Variants in ALDH1A2 observed in about 807,000 individuals in gnomAD.
ALDH1A2 encodes the protein retinal dehydrogenase 2.
A neutral mutation model predicts 60.3 loss-of-function variants in ALDH1A2; 27 were observed. The ratio of observed to expected loss-of-function variants is 0.45; its 90% confidence interval spans 0.33 to 0.62. ALDH1A2 has a LOEUF of 0.62. Ranked by LOEUF, ALDH1A2 falls within the 20% of genes least tolerant of loss-of-function variation. ALDH1A2 has a pLI of 0.02. For synonymous variants in ALDH1A2, 289 were observed against 232.4 expected, an observed-to-expected ratio of 1.24 and a Z score of -2.21; for missense variants, 581 against 643.8, an observed-to-expected ratio of 0.90 and a Z score of 1.06.
At chr15:57,995,230 A>AAG (rs1555401703) in intron 4 of ALDH1A2, 91 bp from the exon 5 acceptor site, 2 of 755,748 alleles carry the variant, frequency 2.6e-6, no homozygotes, top group Non-Finnish European at 4.4e-6. Flanking sequence ...AAAAAAAAAA[A>AAG]AAAAAACAAA....
At chr15:58,059,355 C>G (rs575808361) in intron 1 of ALDH1A2, among the ~76,000 whole-genome samples, 1 of 152,302 alleles carries the variant, frequency 6.6e-6, no homozygotes, top group East Asian at 1.9e-4. Context: ...AAAATAGCCA[C>G]GGCCTGGTGC....
intron 1 of ALDH1A2, among the ~76,000 whole-genome samples, chr15:58,054,982 T>C (rs1035047317): frequency 6.6e-6 from 1 of 152,126 alleles, no homozygotes; most frequent in Admixed American, 6.6e-5. Flanking sequence ...CGGACAATAC[T>C]GAGTGGAATT....
At chr15:58,032,754 A>G (rs1235347199) in intron 1 of ALDH1A2, among the ~76,000 whole-genome samples, 1 of 151,868 alleles carries the variant, frequency 6.6e-6, no homozygotes, top group Non-Finnish European at 1.5e-5. Context: ...ACTATTCACA[A>G]TAGCAAAGAT....
chr15:58,060,463 C>CTTTTTTTTTTTT (rs35187901), intron 1 of ALDH1A2, among the ~76,000 whole-genome samples: 6 of 87,508 alleles, frequency 6.9e-5, no homozygotes, highest in African/African-American at 1.7e-4. Context: ...CCACACATAT[C>CTTTTTTTTTTTT]TTTTTTTTTT....
chr15:58,008,233 A>G (rs1325735921), intron 4 of ALDH1A2, among the ~76,000 whole-genome samples: 1 of 152,096 alleles, frequency 6.6e-6, no homozygotes, highest in Non-Finnish European at 1.5e-5. Context: ...ATGCACTTTC[A>G]GAAAAACTTT....
At chr15:58,016,497 T>G (rs1303035048) in intron 1 of ALDH1A2, among the ~76,000 whole-genome samples, 1 of 152,192 alleles carries the variant, frequency 6.6e-6, no homozygotes, top group Non-Finnish European at 1.5e-5. Context: ...AAGACTGATA[T>G]TTCATGACTT....
intron 1 of ALDH1A2, among the ~76,000 whole-genome samples, chr15:58,050,878 A>T (rs1247662335): frequency 6.6e-6 from 1 of 152,194 alleles, no homozygotes; most frequent in Admixed American, 6.5e-5. Flanking sequence ...TCTTTCATTT[A>T]TGCTGCAAAG....
intron 7 of ALDH1A2, among the ~76,000 whole-genome samples, chr15:57,974,969 A>G (rs566509438): frequency 6.6e-6 from 1 of 152,372 alleles, no homozygotes; most frequent in East Asian, 1.9e-4. Context: ...CACAAATGAA[A>G]AGACACTCAA....
intron 7 of ALDH1A2, among the ~76,000 whole-genome samples, chr15:57,969,405 C>T (rs1254985539): frequency 2.6e-5 from 4 of 152,132 alleles, no homozygotes; most frequent in Admixed American, 6.5e-5. Flanking sequence ...CACAGGTTTC[C>T]GAAGTCAAAG....
chr15:57,975,456 T>G (rs1470397552), intron 7 of ALDH1A2, among the ~76,000 whole-genome samples: 1 of 152,198 alleles, frequency 6.6e-6, no homozygotes, highest in Non-Finnish European at 1.5e-5. Context: ...TTTTTTCAGA[T>G]TTTGGAATAT....
At chr15:57,971,778 G>A (rs958459693) in intron 7 of ALDH1A2, among the ~76,000 whole-genome samples, 4 of 152,210 alleles carry the variant, frequency 2.6e-5, no homozygotes, top group African/African-American at 9.7e-5. Flanking sequence ...TTGCTTGAGA[G>A]CAGTGGTGTG....
chr15:58,065,572 G>T lies in ALDH1A2; in HGVS notation c.79C>A (p.Pro27Thr). 6.2e-7 allele frequency: 1 copy of T among 1,613,534 alleles called. No individual in the cohort carries two copies. The highest frequency in any genetic ancestry group is 8.5e-7 in the Non-Finnish European group (1 of 1,179,654). Residue 27 changes from proline to threonine, a missense_variant, in exon 1 of 13, where the codon CCG becomes ACG. This residue lies in a region of ALDH1A2 where 206 missense variants were observed against 174.1 expected (regional missense o/e 1.18). Coordinates refer to ENST00000249750, the MANE Select transcript of ALDH1A2 (RefSeq NM_003888.4). ...AALMASLHLL[P>T]SPTPNLEIKY... Reference sequence around the variant, plus strand: ...ATTTCGAGATTGGGCGTGGGCGACGGCAGGAGGTGCAGCGACGCCATGAGG... The same window carrying T: ...ATTTCGAGATTGGGCGTGGGCGACGTCAGGAGGTGCAGCGACGCCATGAGG...
At chr15:58,028,609 A>G (rs908768584) in intron 1 of ALDH1A2, among the ~76,000 whole-genome samples, 1 of 152,334 alleles carries the variant, frequency 6.6e-6, no homozygotes, top group East Asian at 1.9e-4. Context: ...AGACTGCTAA[A>G]TTGGATAGAG....
At chr15:58,035,846 C>A (rs1442016427) in intron 1 of ALDH1A2, among the ~76,000 whole-genome samples, 1 of 151,542 alleles carries the variant, frequency 6.6e-6, no homozygotes, top group African/African-American at 2.4e-5. Flanking sequence ...TTGCTGAATG[C>A]TTTGTGAGAG....
intron 4 of ALDH1A2, among the ~76,000 whole-genome samples, chr15:57,996,631 G>C (rs1355865335): frequency 2.6e-5 from 4 of 151,236 alleles, no homozygotes; most frequent in African/African-American, 9.7e-5. Context: ...TTTCAGTTTA[G>C]GCTATTATAA....
intron 7 of ALDH1A2, among the ~76,000 whole-genome samples, chr15:57,977,142 T>C (rs987238300): frequency 6.6e-6 from 1 of 152,090 alleles, no homozygotes; most frequent in Non-Finnish European, 1.5e-5. Flanking sequence ...TTGTAGAGTC[T>C]GGATATTAGC....
chr15:57,972,111 G>A (rs1360095448), intron 7 of ALDH1A2, among the ~76,000 whole-genome samples: 2 of 151,656 alleles, frequency 1.3e-5, no homozygotes, highest in Non-Finnish European at 2.9e-5. Context: ...ACAAAACTGG[G>A]AGGCAGGAAT....
chr15:57,961,203 G>A lies in ALDH1A2; in HGVS notation c.1343C>T (p.Ala448Val). ...CTTGTTGATGTCATTAGTAAAGACA[G>A]CTGCTACGAGTCCAAAGTCTGAGTT... ...ANNSDFGLVA[A>V]VFTNDINKAL... The change falls in exon 11 of 13, where the codon GCT (alanine) becomes GTT (valine). Residue 448 changes from alanine (A) to valine (V), a missense_variant. By Grantham distance (64) the Ala-to-Val change is moderately conservative (BLOSUM62 0). Around this residue, in one of 2 missense-constraint regions of ALDH1A2, gnomAD observed 375 missense variants for 469.7 expected, o/e 0.80. Coordinates refer to ENST00000249750, the MANE Select transcript of ALDH1A2 (RefSeq NM_003888.4). The A allele has an allele frequency of 1.9e-6, 3 of 1,614,116 alleles. No individual in the cohort carries two copies. Among genetic ancestry groups the A allele is most frequent in the Non-Finnish European group, 2.5e-6 (3 of 1,179,972 alleles).
chr15:57,970,760 A>G (rs1342806350), intron 7 of ALDH1A2, among the ~76,000 whole-genome samples: 14 of 152,158 alleles, frequency 9.2e-5, no homozygotes, highest in African/African-American at 3.4e-4. Flanking sequence ...TCTACTAGAG[A>G]TCCCAGTAAA....
Sources: gnomAD v4.1 joint callset for allele counts (sites outside exome capture counted in the v4.1 genomes callset) on GRCh38, gnomAD v4.1.1 for gene constraint, gnomAD v4.1.1 regional missense constraint, MANE v1.5 for transcripts, NCBI Gene and HGNC (gene_info 2026-07-23, HGNC 2026-07-21) for gene names.